PTPRD: variants seen among roughly 807,000 people sequenced by gnomAD.
PTPRD encodes the protein receptor-type tyrosine-protein phosphatase delta.
Under a neutral mutation model 214.5 loss-of-function variants are expected in PTPRD, and 34 were observed. That is an observed-to-expected ratio of 0.16 (90% CI 0.12 to 0.21). The LOEUF (loss-of-function observed/expected upper bound fraction) is 0.21, where lower values mean the gene tolerates loss of function less well. Ranked by LOEUF, PTPRD falls within the 10% of genes least tolerant of loss-of-function variation. PTPRD has a pLI of 1.00. For missense variants in PTPRD, 2,545 were observed against 2,398.7 expected (o/e 1.06, Z -1.27); for synonymous variants, 1,128 against 845.7 (o/e 1.33, Z -5.79).
At chr9:10,008,672 C>A (rs565385238) in intron 4 of PTPRD, among the ~76,000 whole-genome samples, 2 of 151,766 alleles carry the variant, frequency 1.3e-5, no homozygotes, top group Admixed American at 6.6e-5. Flanking sequence ...CTGGTTTTTG[C>A]CAGAAGCTAA....
intron 8 of PTPRD, among the ~76,000 whole-genome samples, chr9:9,412,177 G>A (rs1569568093): frequency 6.6e-6 from 1 of 152,022 alleles, no homozygotes; most frequent in Non-Finnish European, 1.5e-5. Flanking sequence ...ATTACCTAGA[G>A]TCAGTTTCTG....
At chr9:8,346,090 C>G (rs144423223) in intron 39 of PTPRD, among the ~76,000 whole-genome samples, 19 of 152,208 alleles carry the variant, frequency 1.2e-4, no homozygotes, top group African/African-American at 4.1e-4. Flanking sequence ...CCTTTCAAAT[C>G]TGCTCCTCCC....
At chr9:8,845,992 A>G (rs2097687718) in intron 11 of PTPRD, among the ~76,000 whole-genome samples, 2 of 152,170 alleles carry the variant, frequency 1.3e-5, no homozygotes, top group African/African-American at 4.8e-5. Context: ...ATGCCAGGCA[A>G]TTGCTTTTGG....
At chr9:9,201,232 C>G (rs2099941671) in intron 9 of PTPRD, among the ~76,000 whole-genome samples, 1 of 152,154 alleles carries the variant, frequency 6.6e-6, no homozygotes, top group Admixed American at 6.5e-5. Context: ...ATGTTGGAAA[C>G]AGGCAGCATT....
At chr9:10,584,664 G>T (rs1025223882) in intron 2 of PTPRD, among the ~76,000 whole-genome samples, 1 of 152,064 alleles carries the variant, frequency 6.6e-6, no homozygotes, top group Non-Finnish European at 1.5e-5. Flanking sequence ...CTAGATTTGT[G>T]TCACTCAATT....
intron 3 of PTPRD, among the ~76,000 whole-genome samples, chr9:10,165,946 T>G (rs1163975159): frequency 1.3e-5 from 2 of 150,726 alleles, no homozygotes; most frequent in African/African-American, 4.8e-5. Flanking sequence ...CTATGTTTTA[T>G]GTAAACATAA....
At chr9:10,610,618 T>G (rs2080737844) in intron 2 of PTPRD, among the ~76,000 whole-genome samples, 1 of 152,144 alleles carries the variant, frequency 6.6e-6, no homozygotes, top group Non-Finnish European at 1.5e-5. Flanking sequence ...TCATTTTAAA[T>G]CACTTAAATT....
intron 10 of PTPRD, among the ~76,000 whole-genome samples, chr9:9,182,136 G>C (rs1006807123): frequency 6.6e-6 from 1 of 151,974 alleles, no homozygotes; most frequent in Non-Finnish European, 1.5e-5. Context: ...CATGGAAACA[G>C]GCTGAAAGCC....
At chr9:10,385,519 G>T (rs903515415) in intron 2 of PTPRD, among the ~76,000 whole-genome samples, 2 of 151,652 alleles carry the variant, frequency 1.3e-5, no homozygotes, top group African/African-American at 4.8e-5. Context: ...TAAGTTCAAA[G>T]AATATAAGCT....
At chr9:9,249,414 C>A (rs114444955) in intron 9 of PTPRD, among the ~76,000 whole-genome samples, 1,763 of 152,124 alleles carry the variant, frequency 0.012, 31 homozygotes, top group African/African-American at 0.041. Flanking sequence ...AACAGATGAA[C>A]ACAGCAAGAT....
At chr9:9,891,056 A>T (rs1317532232) in intron 5 of PTPRD, among the ~76,000 whole-genome samples, 1 of 152,160 alleles carries the variant, frequency 6.6e-6, no homozygotes, top group South Asian at 2.1e-4. Flanking sequence ...AGCTAAGATT[A>T]TCTTTCATTG....
chr9:8,420,247 G>A (rs1392057457), intron 35 of PTPRD, among the ~76,000 whole-genome samples: 1 of 152,150 alleles, frequency 6.6e-6, no homozygotes, highest in African/African-American at 2.4e-5. Flanking sequence ...GTCTAGCAAA[G>A]TACCTGGCAC....
intron 10 of PTPRD, among the ~76,000 whole-genome samples, chr9:9,110,076 C>T (rs961596075): frequency 6.6e-6 from 1 of 152,020 alleles, no homozygotes; most frequent in Non-Finnish European, 1.5e-5. Context: ...TGGCTCCTTT[C>T]ACAGAAAATG....
chr9:10,126,147 G>C (rs893055338), intron 3 of PTPRD, among the ~76,000 whole-genome samples: 2 of 152,078 alleles, frequency 1.3e-5, no homozygotes, highest in African/African-American at 2.4e-5. Flanking sequence ...TCAAGAATTA[G>C]ATTGTGAAAC....
intron 2 of PTPRD, among the ~76,000 whole-genome samples, chr9:10,406,023 T>C (rs970336086): frequency 1.3e-5 from 2 of 151,360 alleles, no homozygotes; most frequent in African/African-American, 4.8e-5. Flanking sequence ...CTATCCATTA[T>C]AAGATACATT....
intron 3 of PTPRD, among the ~76,000 whole-genome samples, chr9:10,204,931 C>G (rs2099460760): frequency 6.6e-6 from 1 of 152,050 alleles, no homozygotes; most frequent in Non-Finnish European, 1.5e-5. Context: ...TGTGAAGTGC[C>G]AAATCAAATA....
intron 7 of PTPRD, among the ~76,000 whole-genome samples, chr9:9,605,718 C>T (rs1192400256): frequency 6.6e-6 from 1 of 151,948 alleles, no homozygotes; most frequent in Admixed American, 6.6e-5. Context: ...AATACAAGGG[C>T]AACAACTAGA....
intron 3 of PTPRD, among the ~76,000 whole-genome samples, chr9:10,306,009 C>A (rs769230275): frequency 1.3e-5 from 2 of 152,040 alleles, no homozygotes; most frequent in Non-Finnish European, 2.9e-5. Context: ...GTAGCAAAGA[C>A]TTGGAATCAA....
At chr9:8,450,784 C>G (rs2095906505) in intron 33 of PTPRD, among the ~76,000 whole-genome samples, 1 of 152,202 alleles carries the variant, frequency 6.6e-6, no homozygotes. Flanking sequence ...TAACTATCTT[C>G]TTCCAGTTTG....
Sources: allele counts gnomAD v4.1 joint callset (sites outside exome capture counted in the v4.1 genomes callset), GRCh38; gene constraint gnomAD v4.1.1; transcripts MANE v1.5; gene names NCBI Gene and HGNC (gene_info 2026-07-23, HGNC 2026-07-21).